Variants in KANK3 observed in about 807,000 individuals in gnomAD.
KANK3 encodes the protein KN motif and ankyrin repeat domains 3.
A neutral mutation model predicts 65.4 loss-of-function variants in KANK3; 61 were observed. That is an observed-to-expected ratio of 0.93 (90% confidence interval 0.76 to 1.15). The LOEUF is 1.15. Among genes scored for constraint, KANK3 ranks in the 50% most tolerant of loss-of-function variants. KANK3 has a pLI of 0.00. For missense variants in KANK3, 1,187 were observed against 1,178.8 expected, an observed-to-expected ratio of 1.01 and a Z score of -0.10; for synonymous variants, 586 against 543.3, an observed-to-expected ratio of 1.08 and a Z score of -1.09.
In KANK3 at chr19:8,333,253, T is replaced by C; in HGVS notation, c.1720-23A>G. 1.3e-5 allele frequency: 21 copies of C among 1,585,366 alleles called. No individual in the cohort carries two copies. The highest frequency in any genetic ancestry group is 1.7e-5 in the Non-Finnish European group (20 of 1,163,392). On this transcript the variant is annotated intron_variant, in intron 6 of 10. Transcript: ENST00000330915. This position sits in a 1 kb window ranked among gnomAD's most constrained non-coding sequence, Gnocchi z 5.0. ...GCCCTGCAAGGGACAGGGGCCAAGATAACATCGGCGATGGTCCACGGCGGC... is the reference window on the plus strand; with the variant it reads ...GCCCTGCAAGGGACAGGGGCCAAGACAACATCGGCGATGGTCCACGGCGGC...
chr19:8,325,064 CG>C lies in KANK3; in HGVS notation c.1968del (p.Gly657AlafsTer13). 6.2e-7 allele frequency: 1 copy of C among 1,613,730 alleles called. No homozygotes were observed. The highest frequency in any genetic ancestry group is 1.1e-5 in the South Asian group (1 of 91,078). On this transcript the variant is annotated frameshift_variant, in exon 8 of 11. Coordinates refer to ENST00000330915, the MANE Select transcript of KANK3 (RefSeq NM_198471.3). LOFTEE classifies it high-confidence loss of function. ...GCAGCCAGCATGAGGGCCGAGTAGC[CG>C]GCTCGGTTCTGGCGGTTGACCTCGC... ...GACEVNRQNR[A>X]GYSALMLAAL...
intron 7 of KANK3, among the ~76,000 whole-genome samples, chr19:8,328,165 C>G (rs555723971): frequency 1.3e-5 from 2 of 152,118 alleles, no homozygotes; most frequent in East Asian, 3.9e-4. Flanking sequence ...GTAATCCCCG[C>G]TACTTGGGAG....
In KANK3 at chr19:8,333,107, C is replaced by G; in HGVS notation, c.1843G>C (p.Val615Leu). The G allele has an allele frequency of 6.2e-7, 1 of 1,613,102 alleles. No individual in the cohort carries two copies. The highest frequency in any genetic ancestry group is 8.5e-7 in the Non-Finnish European group (1 of 1,179,908). ...RRLGPELLAH[V>L]VNLADGNGNT... ...CCGTTGCCATCCGCCAGGTTCACCACGTGCGCCAGCAGTTCGGGTCCCAGG... is the reference window on the plus strand; with the variant it reads ...CCGTTGCCATCCGCCAGGTTCACCAGGTGCGCCAGCAGTTCGGGTCCCAGG... The change falls in exon 7 of 11, where the codon GTG becomes CTG. Residue 615 changes from valine to leucine, a missense_variant. Physicochemically the swap from Val to Leu is conservative, Grantham distance 32. Coordinates refer to ENST00000330915, the MANE Select transcript of KANK3 (RefSeq NM_198471.3). This position sits in a 1 kb window ranked among gnomAD's most constrained non-coding sequence, Gnocchi z 5.0.
At chr19:8,342,337 TG>T (rs1184325927) in intron 1 of KANK3, among the ~76,000 whole-genome samples, 8 of 152,028 alleles carry the variant, frequency 5.3e-5, no homozygotes, top group Non-Finnish European at 8.8e-5. Context: ...AGACTCTGAT[TG>T]GGGGCGGAGG....
Position 8,334,695 on chromosome 19 carries a change from C to T in KANK3, c.1132G>A (p.Glu378Lys), listed in dbSNP as rs1214272718. 2.6e-6 allele frequency: 4 copies of T among 1,532,884 alleles called. No individual in the cohort carries two copies. Among genetic ancestry groups the T allele is most frequent in the Non-Finnish European group, 2.6e-6 (3 of 1,146,228 alleles). 95.0% of individuals were successfully genotyped at this position (1,532,884 alleles called of 1,614,324 possible). Residue 378 changes from glutamate (E) to lysine (K), a missense_variant, in exon 3 of 11, where the codon GAG (glutamate) becomes AAG (lysine). Physicochemically the swap from Glu to Lys is moderately conservative, Grantham distance 56 (BLOSUM62 1). Transcript: ENST00000330915. ...GCAGCCTCGCGGGCTTCCTCCAGCT[C>T]CCGCAACCGGCCCCGCAGAAGCTCA... ...VSELLRGRLR[E>K]LEEAREAAEE... is the part of the protein sequence containing the mutation.
At position 8,324,457 on chromosome 19, in the gene KANK3, C is replaced by G; in HGVS notation, c.2374G>C (p.Asp792His). 1 of 1,601,568 alleles carries G rather than the reference C, an allele frequency of 6.2e-7. No individual in the cohort carries two copies. Among genetic ancestry groups the G allele is most frequent in the South Asian group, 1.1e-5 (1 of 89,392 alleles). ...LHAHLSSGQP[D>H]TQSESPPGSQ... ...TCCAGAGCTGTGCTCACCTGGGTGT[C>G]GGGCTGGCCCGAGCTCAGGTGGGCA... Residue 792 changes from aspartate (D) to histidine (H), a missense_variant, in exon 10 of 11, where the codon GAC (aspartate) becomes CAC (histidine). Asp to His is a moderately conservative substitution (Grantham distance 81). Transcript: ENST00000330915.
At position 8,334,625 on chromosome 19, in the gene KANK3, G is replaced by T. The variant is rs1258976763; in HGVS notation, c.1202C>A (p.Thr401Asn). The part of the protein sequence containing the change: ...AGARAQLREA[T>N]TQTPWSCAEK... Reference sequence around the variant, plus strand: ...GGCACAGCTCCACGGGGTCTGGGTGGTGGCCTCGCGTAGCTGGGCCCGGGC... The same window carrying T: ...GGCACAGCTCCACGGGGTCTGGGTGTTGGCCTCGCGTAGCTGGGCCCGGGC... The change falls in exon 3 of 11, where the codon ACC (threonine) becomes AAC (asparagine). Residue 401 changes from threonine to asparagine, a missense_variant. This residue lies in a region of KANK3 where 1,078 missense variants were observed against 1,038.2 expected (regional missense o/e 1.04). Transcript: ENST00000330915. 1.3e-6 allele frequency: 2 copies of T among 1,558,846 alleles called. No individual in the cohort carries two copies. Among genetic ancestry groups the T allele is most frequent in the Non-Finnish European group, 1.7e-6 (2 of 1,160,132 alleles).
intron 1 of KANK3, among the ~76,000 whole-genome samples, chr19:8,342,701 C>T (rs1167179897): frequency 7.0e-6 from 1 of 143,750 alleles, no homozygotes; most frequent in East Asian, 2.3e-4. Flanking sequence ...GGACCGGTGG[C>T]GGCAGGAAGG....
In KANK3 at chr19:8,334,600, G is replaced by A; in HGVS notation, c.1227C>T (p.Ala409=). Residue 409 remains alanine, a synonymous_variant, in exon 3 of 11, where the codon GCC becomes GCT. Transcript: ENST00000330915. ...EATTQTPWSC[A]EKAAQTESPA... is the part of the protein sequence containing the mutation. Reference sequence around the variant, plus strand: ...GGGACTCGGTCTGCGCGGCCTTTTCGGCACAGCTCCACGGGGTCTGGGTGG... The same window carrying A: ...GGGACTCGGTCTGCGCGGCCTTTTCAGCACAGCTCCACGGGGTCTGGGTGG... 6.3e-7 allele frequency: 1 copy of A among 1,587,810 alleles called. No individual in the cohort carries two copies. The highest frequency in any genetic ancestry group is 1.3e-5 in the African/African-American group (1 of 74,884).
intron 7 of KANK3, among the ~76,000 whole-genome samples, chr19:8,328,017 G>A (rs761261547): frequency 1.4e-4 from 22 of 152,094 alleles, no homozygotes; most frequent in Non-Finnish European, 2.1e-4. Context: ...AGTGGCTTAC[G>A]CCTATAATTC....
chr19:8,323,167 G>C (rs1281326481), intron 10 of KANK3: 2 of 341,818 alleles, frequency 5.9e-6, no homozygotes, highest in Non-Finnish European at 1.1e-5. Context: ...GTACATCATA[G>C]GTTGAAAGTA....
intron 1 of KANK3, among the ~76,000 whole-genome samples, chr19:8,338,860 C>T (rs924081717): frequency 4.4e-5 from 5 of 112,432 alleles, no homozygotes; most frequent in Non-Finnish European, 6.6e-5. Context: ...GGCAACAGAG[C>T]GAGATTCCGT....
intron 7 of KANK3, among the ~76,000 whole-genome samples, chr19:8,329,788 G>A (rs1218866021): frequency 6.6e-6 from 1 of 152,170 alleles, no homozygotes; most frequent in Non-Finnish European, 1.5e-5. Context: ...GTCAATCTTA[G>A]GCTTCTGCTG....
At chr19:8,330,230 T>A (rs1232714467) in intron 7 of KANK3, among the ~76,000 whole-genome samples, 1 of 152,054 alleles carries the variant, frequency 6.6e-6, no homozygotes, top group East Asian at 1.9e-4. Flanking sequence ...TTAGTGTATG[T>A]GACAGCAAGC....
chr19:8,335,360 C>A lies in KANK3; in HGVS notation c.467G>T (p.Gly156Val). The A allele has an allele frequency of 8.4e-6, 10 of 1,195,384 alleles. No individual in the cohort carries two copies. Among genetic ancestry groups the A allele is most frequent in the Non-Finnish European group, 1.0e-5 (10 of 964,976 alleles). The allele number at this position is 1,195,384 out of a possible 1,614,324, so 74.0% of individuals were successfully genotyped here. A position where few individuals can be genotyped will look rare whatever the true frequency, so the allele number is the denominator to read the frequency against. Residue 156 changes from glycine to valine, a missense_variant, in exon 3 of 11, where the codon GGG becomes GTG. Physicochemically the swap from Gly to Val is moderately radical, Grantham distance 109 (BLOSUM62 -3). Transcript: ENST00000330915. ...GGACCCGCGTGGGCTGCGCGGGACC[C>A]CGCGGCCGGGGCTGGGCGCGCGCTC... ...THERAPSPGR[G>V]VPRSPRGSGR...
intron 7 of KANK3, among the ~76,000 whole-genome samples, chr19:8,329,950 T>C (rs1237473585): frequency 6.6e-6 from 1 of 152,150 alleles, no homozygotes; most frequent in Non-Finnish European, 1.5e-5. Flanking sequence ...GGACCTGCTT[T>C]GCAGCAAGGA....
Position 8,335,157 on chromosome 19 carries a change from G to T in KANK3, c.670C>A (p.Leu224Met). Residue 224 changes from leucine to methionine, a missense_variant, in exon 3 of 11, where the codon CTG becomes ATG. Physicochemically the swap from Leu to Met is conservative, Grantham distance 15. Coordinates refer to ENST00000330915, the MANE Select transcript of KANK3 (RefSeq NM_198471.3). ...TCGGGCTGCGCGCGCCCGGCCAGCA[G>T]CCGCGCCTTCTCGGCGCGCAGCGCG... ...VRALRAEKARLLAGRAQPEPD... is the reference protein window; with the variant it reads ...VRALRAEKARMLAGRAQPEPD... 1 of 1,217,982 alleles carries T rather than the reference G, an allele frequency of 8.2e-7. No individual in the cohort carries two copies. 75.4% of individuals were successfully genotyped at this position (1,217,982 alleles called of 1,614,324 possible). A position where few individuals can be genotyped will look rare whatever the true frequency, so the allele number is the denominator to read the frequency against.
intron 7 of KANK3, among the ~76,000 whole-genome samples, chr19:8,330,063 G>A (rs1244493849): frequency 1.3e-5 from 2 of 152,072 alleles, no homozygotes; most frequent in African/African-American, 2.4e-5. Flanking sequence ...GAGTGAGGAG[G>A]GGCCTAGTCA....
At chr19:8,326,481 TAAAAAAAAAAAA>T (rs369948563) in intron 7 of KANK3, among the ~76,000 whole-genome samples, 5 of 119,444 alleles carry the variant, frequency 4.2e-5, no homozygotes, top group African/African-American at 1.2e-4. Context: ...CCACCTGTTG[TAAAAAAAAAAAA>T]AAAAAAAAAA....
Sources: gnomAD v4.1 joint callset for allele counts (sites outside exome capture counted in the v4.1 genomes callset) on GRCh38, gnomAD v4.1.1 for gene constraint, gnomAD v4.1.1 regional missense constraint, Gnocchi (gnomAD v3.1) non-coding constraint, MANE v1.5 for transcripts, NCBI Gene and HGNC (gene_info 2026-07-23, HGNC 2026-07-21) for gene names.